Variants in CADM2 observed in about 807,000 individuals in gnomAD.
CADM2 encodes immunoglobulin superfamily member 4D.
In CADM2, 12 loss-of-function variants were observed where a neutral mutation model predicts 49.8. The ratio of observed to expected loss-of-function variants is 0.24; its 90% CI spans 0.15 to 0.39. CADM2 has a LOEUF of 0.39. Among genes scored for constraint, CADM2 ranks in the 10% least tolerant of loss-of-function variants. The pLI, the probability that CADM2 is intolerant of heterozygous loss-of-function variation, is 1.00. For missense variants in CADM2, 378 were observed against 492.3 expected (o/e 0.77, Z 2.20); for synonymous variants, 214 against 175.4 (o/e 1.22, Z -1.74).
At chr3:85,124,007 G>A (rs984710455) in intron 1 of CADM2, among the ~76,000 whole-genome samples, 2 of 152,192 alleles carry the variant, frequency 1.3e-5, no homozygotes, top group African/African-American at 2.4e-5. Context: ...TAGTGAGGAG[G>A]TTGATCAATG....
intron 1 of CADM2, among the ~76,000 whole-genome samples, chr3:85,559,679 C>T (rs199874220): frequency 2.0e-4 from 10 of 50,670 alleles, no homozygotes; most frequent in Non-Finnish European, 5.9e-4. Context: ...CACACACACA[C>T]ACACACACAT....
rs1311748125 is a variant in CADM2 at position 85,769,566 on chromosome 3, CGT to C, written c.89-32480_89-32479del. On this transcript the variant is annotated intron_variant, in intron 2 of 9. Coordinates refer to ENST00000383699, the MANE Select transcript of CADM2 (RefSeq NM_001167675.2). The stretch of plus-strand genomic sequence containing the variant: ...GTATATACATATATGTATATATACA[CGT>C]ATATACATATATACATATATAGTAT... 1.4e-4 allele frequency among the ~76,000 whole-genome samples: 8 copies of C among 56,760 alleles called. 3 individuals carry two copies. The highest frequency in any genetic ancestry group is 5.7e-4 in the African/African-American group (7 of 12,268). 37.2% of individuals were successfully genotyped at this position (56,760 alleles called of 152,430 possible).
chr3:85,822,563 G>A (rs943190083), intron 3 of CADM2, among the ~76,000 whole-genome samples: 5 of 151,990 alleles, frequency 3.3e-5, no homozygotes, highest in African/African-American at 7.3e-5. Context: ...CAGCCTAGGC[G>A]ACAGAGCGAA....
chr3:85,946,758 A>T (rs1722759459), intron 7 of CADM2, among the ~76,000 whole-genome samples: 1 of 152,164 alleles, frequency 6.6e-6, no homozygotes, highest in Admixed American at 6.6e-5. Context: ...GAAAGCTGAA[A>T]TTGGATCCCT....
intron 3 of CADM2, among the ~76,000 whole-genome samples, chr3:85,802,788 G>C (rs1325291742): frequency 8.6e-5 from 13 of 151,804 alleles, no homozygotes. Context: ...ACATTCCAGA[G>C]AAAAAAGGAA....
chr3:85,298,691 G>A (rs2044024621), intron 1 of CADM2, among the ~76,000 whole-genome samples: 1 of 152,032 alleles, frequency 6.6e-6, no homozygotes, highest in Non-Finnish European at 1.5e-5. Context: ...TGCCTTAATA[G>A]TCTCAAATGA....
At chr3:85,969,946 G>T (rs946208498) in intron 8 of CADM2, among the ~76,000 whole-genome samples, 11 of 138,614 alleles carry the variant, frequency 7.9e-5, no homozygotes, top group Non-Finnish European at 1.7e-4. Flanking sequence ...AATATACAGG[G>T]GTGTGTTTGT....
chr3:85,257,711 G>C (rs977484798), intron 1 of CADM2, among the ~76,000 whole-genome samples: 8 of 152,104 alleles, frequency 5.3e-5, no homozygotes, highest in African/African-American at 1.9e-4. Context: ...ACCCGTGGCT[G>C]TCTCTTCTTC....
chr3:85,721,195 G>A (rs893514757), intron 1 of CADM2, among the ~76,000 whole-genome samples: 3 of 152,134 alleles, frequency 2.0e-5, no homozygotes, highest in African/African-American at 7.2e-5. Context: ...AATTTGTAGT[G>A]TGTACTATAA....
intron 1 of CADM2, among the ~76,000 whole-genome samples, chr3:85,220,602 AGTCATATTAAATTTAAATCTCC>A (rs1172466661): frequency 1.3e-5 from 2 of 152,132 alleles, no homozygotes; most frequent in African/African-American, 4.8e-5. Context: ...CAGGAGTAAT[AGTCATATTAAATTTAAATCTCC>A]TCAGGTAAAA....
At chr3:85,685,096 C>A (rs2107666480) in intron 1 of CADM2, among the ~76,000 whole-genome samples, 1 of 152,250 alleles carries the variant, frequency 6.6e-6, no homozygotes, top group South Asian at 2.1e-4. Flanking sequence ...ACTACAAATA[C>A]AAAAAATTAT....
chr3:85,150,966 A>G (rs12632038), intron 1 of CADM2, among the ~76,000 whole-genome samples: 62,400 of 150,036 alleles, frequency 0.42, 14,858 homozygotes, highest in Admixed American at 0.56. Flanking sequence ...TTGGATGGCA[A>G]AGAACCTTTA....
intron 3 of CADM2, among the ~76,000 whole-genome samples, chr3:85,879,482 C>T (rs1704178742): frequency 6.6e-6 from 1 of 151,944 alleles, no homozygotes; most frequent in South Asian, 2.1e-4. Flanking sequence ...TTAGAATTTT[C>T]CCAAAGGCTA....
chr3:85,517,855 TTTAAG>T (rs1362250707), intron 1 of CADM2, among the ~76,000 whole-genome samples: 1 of 152,146 alleles, frequency 6.6e-6, no homozygotes, highest in Non-Finnish European at 1.5e-5. Context: ...CAAACACTGA[TTTAAG>T]TTATTTATTT....
intron 1 of CADM2, among the ~76,000 whole-genome samples, chr3:85,613,719 A>G (rs2063733327): frequency 6.6e-6 from 1 of 151,638 alleles, no homozygotes; most frequent in African/African-American, 2.4e-5. Flanking sequence ...CTAACTCAAA[A>G]CTAGTGACTA....
At chr3:85,029,931 A>G (rs78832942) in intron 1 of CADM2, among the ~76,000 whole-genome samples, 2,782 of 152,272 alleles carry the variant, frequency 0.018, 34 homozygotes, top group Middle Eastern at 0.051. Context: ...GCACTTCTTC[A>G]CCCACTCACA....
In CADM2 at chr3:85,939,270, G is replaced by A. The variant is rs536286031; in HGVS notation, c.791+3413G>A. On this transcript the variant is annotated intron_variant, in intron 7 of 9. Coordinates refer to ENST00000383699, the MANE Select transcript of CADM2 (RefSeq NM_001167675.2). ...TGTTCCACTTGACACTACTATAGAA[G>A]CATTCTATTCTTTCCTTAAAAGAGA... is the stretch of plus-strand genomic sequence containing the variant. 5.9e-4 allele frequency among the ~76,000 whole-genome samples: 90 copies of A among 152,064 alleles called. 1 individual carries two copies. The South Asian group carries it at 6.9e-3, about 12-fold the overall frequency.
intron 1 of CADM2, among the ~76,000 whole-genome samples, chr3:85,506,775 T>A (rs1484563369): frequency 6.6e-6 from 1 of 152,136 alleles, no homozygotes; most frequent in Non-Finnish European, 1.5e-5. Context: ...TGATATATAC[T>A]TCATGAAAGA....
chr3:85,408,839 A>G (rs551442100), intron 1 of CADM2, among the ~76,000 whole-genome samples: 42 of 152,342 alleles, frequency 2.8e-4, no homozygotes, highest in South Asian at 2.1e-3. Context: ...AGTAAAAAAT[A>G]CAATAATCTT....
Sources: gnomAD v4.1 joint callset for allele counts (sites outside exome capture counted in the v4.1 genomes callset) on GRCh38, gnomAD v4.1.1 for gene constraint, MANE v1.5 for transcripts, NCBI Gene and HGNC (gene_info 2026-07-23, HGNC 2026-07-21) for gene names.